Variants in PSEN2 observed in about 807,000 individuals in gnomAD.
PSEN2 encodes presenilin 2.
PSEN2 carries 32 observed loss-of-function variants against 49.1 expected under a neutral mutation model. The ratio of observed to expected loss-of-function variants is 0.65; its 90% CI spans 0.49 to 0.88. PSEN2 has a LOEUF of 0.88. Among genes scored for constraint, PSEN2 ranks in the 40% least tolerant of loss-of-function variants. The pLI is 0.00. For missense variants in PSEN2, 522 were observed against 586.9 expected (o/e 0.89, Z 1.14); for synonymous variants, 255 against 244.0 (o/e 1.05, Z -0.42).
chr1:226,872,845 C>G (rs1660396260), intron 2 of PSEN2, among the ~76,000 whole-genome samples: 1 of 152,078 alleles, frequency 6.6e-6, no homozygotes, highest in African/African-American at 2.4e-5. Flanking sequence ...GGCTCCAATC[C>G]TGGAGATGGG....
chr1:226,883,389 C>T (rs1272820338), intron 4 of PSEN2, among the ~76,000 whole-genome samples: 1 of 152,190 alleles, frequency 6.6e-6, no homozygotes, highest in Non-Finnish European at 1.5e-5. Context: ...AATTGAGTGA[C>T]CTCCTGAGTC....
At chr1:226,889,541 C>T (rs1251020855) in intron 8 of PSEN2, among the ~76,000 whole-genome samples, 1 of 152,194 alleles carries the variant, frequency 6.6e-6, no homozygotes, top group African/African-American at 2.4e-5. Context: ...TCCCAAAGTA[C>T]TGGGATTACA....
intron 3 of PSEN2, among the ~76,000 whole-genome samples, chr1:226,878,877 T>G (rs1660799360): frequency 1.3e-5 from 2 of 152,130 alleles, no homozygotes; most frequent in Admixed American, 1.3e-4. Flanking sequence ...ATGCAGCAAC[T>G]CTTTGTTGTG....
At position 226,871,277 on chromosome 1, in the gene PSEN2, A is replaced by G. The variant is rs1660269921; in HGVS notation, c.-334A>G. 1 of 152,310 alleles carries G rather than the reference A, an allele frequency of 6.6e-6. No homozygotes were observed. Among genetic ancestry groups the G allele is most frequent in the African/African-American group, 2.4e-5 (1 of 41,458 alleles). 9.4% of individuals were successfully genotyped at this position (152,310 alleles called of 1,614,324 possible). A position where few individuals can be genotyped will look rare whatever the true frequency, so the allele number is the denominator to read the frequency against. On this transcript the variant is annotated 5_prime_UTR_variant, in exon 2 of 13. Transcript: ENST00000366783. ...GTTTTATCAGGCATTTCCAGCAGTG[A>G]GGAGACAGCCAGAAGCAAGCTTTTG...
intron 2 of PSEN2, among the ~76,000 whole-genome samples, chr1:226,871,623 A>G (rs186817723): frequency 1.3e-5 from 2 of 152,344 alleles, no homozygotes; most frequent in East Asian, 3.9e-4. Flanking sequence ...CTCAGAAGCG[A>G]CAGCCTGGGG....
chr1:226,894,182 T>G (rs551438819), intron 12 of PSEN2, 57 bp downstream of exon 12: 2 of 1,261,768 alleles, frequency 1.6e-6, no homozygotes, highest in Admixed American at 3.4e-5. Flanking sequence ...AGGGTCCTCA[T>G]TGTGGTGGGG....
At position 226,892,324 on chromosome 1, in the gene PSEN2, T is replaced by C. The variant is rs1244458591; in HGVS notation, c.1072+480T>C. ...GGAGAGGAGCACAGGGTGGGGAGCA[T>C]TTCCTGACAGACAGACTCAGGAATC... On this transcript the variant is annotated intron_variant, in intron 11 of 12. Coordinates refer to ENST00000366783, the MANE Select transcript of PSEN2 (RefSeq NM_000447.3). Among the ~76,000 whole-genome samples the C allele has an allele frequency of 2.0e-5, 3 of 152,078 alleles. No homozygotes were observed. In the East Asian group the frequency reaches 5.8e-4, roughly 29 times the overall value.
intron 7 of PSEN2, among the ~76,000 whole-genome samples, 174 bp from the exon 8 acceptor site, chr1:226,888,655 C>T (rs1365381433): frequency 6.6e-6 from 1 of 152,202 alleles, no homozygotes; most frequent in African/African-American, 2.4e-5. Context: ...TGATCTGTTC[C>T]AAGCATCCCC....
At chr1:226,894,234 C>T (rs981376837) in intron 12 of PSEN2, 109 bp downstream of exon 12, 1 of 764,844 alleles carries the variant, frequency 1.3e-6, no homozygotes, top group East Asian at 2.6e-5. Context: ...TTCTTCTCTT[C>T]CCTCTGAGGG....
Position 226,891,744 on chromosome 1 carries a change from A to G in PSEN2, c.972A>G (p.Glu324=). 1 of 1,613,550 alleles carries G rather than the reference A, an allele frequency of 6.2e-7. No homozygotes were observed. The highest frequency in any genetic ancestry group is 2.2e-5 in the East Asian group (1 of 44,868). ...CATCTTCTCTTCCTGGACACCCAGA[A>G]GAAGACTCCTATGACAGTTTTGGGG... The part of the protein sequence containing the change: ...ALQLPYDPEM[E]EDSYDSFGEP... Residue 324 remains glutamate (E), a splice_region_variant and synonymous_variant, in exon 11 of 13, where the codon GAA becomes GAG. Coordinates refer to ENST00000366783, the MANE Select transcript of PSEN2 (RefSeq NM_000447.3).
rs199652777 is a variant in PSEN2 at position 226,883,678 on chromosome 1, C to T, written c.142-27C>T. On this transcript the variant is annotated intron_variant, in intron 4 of 12. Transcript: ENST00000366783. ...ATAGGCTGCCGTGGGGGACATTCTG[C>T]GGCCCTCACGATGTGGTTTCCCACA... 1.7e-4 allele frequency: 277 copies of T among 1,605,702 alleles called. 2 individuals are homozygous for T. In the East Asian group the frequency reaches 3.5e-3, roughly 20 times the overall value.
chr1:226,870,987 T>A (rs1477826148), intron 1 of PSEN2: 1 of 151,826 alleles, frequency 6.6e-6, no homozygotes, highest in Non-Finnish European at 1.5e-5. Context: ...CGGCTGGGGG[T>A]GGGCGCGGCG....
In PSEN2 at chr1:226,896,035, G is replaced by C. The variant is rs936702148; in HGVS notation, c.*456G>C. ...AGAAACTGAGTCCTGTTCTTGTTAC[G>C]GCAGTCACACTGCTGGGAAGTGGCT... On this transcript the variant is annotated 3_prime_UTR_variant, in exon 13 of 13. Coordinates refer to ENST00000366783, the MANE Select transcript of PSEN2 (RefSeq NM_000447.3). The C allele has an allele frequency of 4.4e-6, 1 of 229,184 alleles. No homozygotes were observed. Among genetic ancestry groups the C allele is most frequent in the Non-Finnish European group, 8.7e-6 (1 of 114,514 alleles). 14.2% of individuals were successfully genotyped at this position (229,184 alleles called of 1,614,324 possible).
chr1:226,893,981 A>T, intron 11 of PSEN2, 26 bp from the exon 12 acceptor site: 1 of 1,572,986 alleles, frequency 6.4e-7, no homozygotes, highest in Non-Finnish European at 8.8e-7. Flanking sequence ...CCTCTTCAGT[A>T]CGGGTTACTG....
At position 226,888,917 on chromosome 1, in the gene PSEN2, A is replaced by G. The variant is rs1661549552; in HGVS notation, c.655A>G (p.Ile219Val). Residue 219 changes from isoleucine to valine, a missense_variant, in exon 8 of 13, where the codon ATC becomes GTC. Coordinates refer to ENST00000366783, the MANE Select transcript of PSEN2 (RefSeq NM_000447.3). ...WNFGAVGMVC[I>V]HWKGPLVLQQ... Reference sequence around the variant, plus strand: ...CTTCGGGGCAGTGGGCATGGTGTGCATCCACTGGAAGGGCCCTCTGGTGCT... The same window carrying G: ...CTTCGGGGCAGTGGGCATGGTGTGCGTCCACTGGAAGGGCCCTCTGGTGCT... 1.2e-6 allele frequency: 2 copies of G among 1,614,182 alleles called. No homozygotes were observed. The highest frequency in any genetic ancestry group is 1.7e-6 in the Non-Finnish European group (2 of 1,180,030).
intron 2 of PSEN2, among the ~76,000 whole-genome samples, chr1:226,874,189 A>G (rs1660481793): frequency 1.3e-5 from 2 of 152,206 alleles, no homozygotes; most frequent in South Asian, 2.1e-4. Context: ...GTGTGCTCCC[A>G]GAAAGCCTGT....
At chr1:226,891,497 C>T (rs1661743171) in intron 10 of PSEN2, 136 bp downstream of exon 10, 2 of 817,842 alleles carry the variant, frequency 2.4e-6, no homozygotes, top group Non-Finnish European at 3.9e-6. Flanking sequence ...TGAAAACCAG[C>T]CGGACACATG....
intron 3 of PSEN2, among the ~76,000 whole-genome samples, chr1:226,878,844 A>G (rs1224875853): frequency 6.6e-6 from 1 of 152,196 alleles, no homozygotes; most frequent in African/African-American, 2.4e-5. Context: ...TGCAGATGGA[A>G]TATTATGATT....
At chr1:226,877,642 C>T (rs544580457) in intron 3 of PSEN2, among the ~76,000 whole-genome samples, 5 of 152,342 alleles carry the variant, frequency 3.3e-5, no homozygotes, top group African/African-American at 9.6e-5. Flanking sequence ...ACAGCTCTCT[C>T]CTTCCCTGCT....
Sources: allele counts gnomAD v4.1 joint callset (sites outside exome capture counted in the v4.1 genomes callset), GRCh38; gene constraint gnomAD v4.1.1; transcripts MANE v1.5; gene names NCBI Gene and HGNC (gene_info 2026-07-23, HGNC 2026-07-21).